The following KCNQ3 variants were observed in gnomAD, a reference collection of about 807,000 sequenced individuals.
KCNQ3 encodes the protein potassium voltage-gated channel subfamily KQT member 3.
KCNQ3 carries 30 observed loss-of-function variants against 92.5 expected under a neutral mutation model. The ratio of observed to expected loss-of-function variants is 0.32; its 90% CI spans 0.24 to 0.44. The LOEUF is 0.44. Among genes scored for constraint, KCNQ3 ranks in the 20% least tolerant of loss-of-function variants. The pLI, the probability that KCNQ3 is intolerant of heterozygous loss-of-function variation, is 1.00. For missense variants in KCNQ3, 913 were observed against 1,140.3 expected, an observed-to-expected ratio of 0.80 and a Z score of 2.87; for synonymous variants, 450 against 468.8, an observed-to-expected ratio of 0.96 and a Z score of 0.52.
intron 5 of KCNQ3, among the ~76,000 whole-genome samples, chr8:132,175,195 G>A (rs1008047711): frequency 1.2e-4 from 19 of 152,318 alleles, no homozygotes; most frequent in African/African-American, 4.6e-4. Context: ...TGACTAATAA[G>A]GCTAAGTCCA....
At chr8:132,210,156 G>A (rs1813805256) in intron 1 of KCNQ3, among the ~76,000 whole-genome samples, 1 of 152,144 alleles carries the variant, frequency 6.6e-6, no homozygotes, top group African/African-American at 2.4e-5. Flanking sequence ...ATCTTCTAAT[G>A]TACTAGCTCT....
intron 8 of KCNQ3, among the ~76,000 whole-genome samples, chr8:132,165,504 A>G (rs990484549): frequency 6.6e-6 from 1 of 152,224 alleles, no homozygotes; most frequent in Non-Finnish European, 1.5e-5. Context: ...CCCCTTCGGC[A>G]TCAATACTCC....
chr8:132,333,952 C>T (rs192603915), intron 1 of KCNQ3, among the ~76,000 whole-genome samples: 86 of 151,870 alleles, frequency 5.7e-4, no homozygotes, highest in Admixed American at 9.2e-4. Flanking sequence ...AGGCTCGTCT[C>T]GAACTCTTGA....
At chr8:132,281,307 T>G (rs1164608288) in intron 1 of KCNQ3, among the ~76,000 whole-genome samples, 1 of 152,058 alleles carries the variant, frequency 6.6e-6, no homozygotes, top group African/African-American at 2.4e-5. Flanking sequence ...GTGGTGGCAC[T>G]CCCCAAGAGG....
At chr8:132,310,933 C>A (rs908864633) in intron 1 of KCNQ3, among the ~76,000 whole-genome samples, 3 of 151,200 alleles carry the variant, frequency 2.0e-5, no homozygotes, top group Admixed American at 1.3e-4. Context: ...AGTCACCTTA[C>A]GACTTTTTTT....
chr8:132,151,460 A>C (rs921713119), intron 9 of KCNQ3, among the ~76,000 whole-genome samples: 3 of 152,206 alleles, frequency 2.0e-5, no homozygotes, highest in African/African-American at 7.2e-5. Context: ...GGATTGTAAA[A>C]ATTAATCTTA....
At chr8:132,439,357 C>A (rs1659825179) in intron 1 of KCNQ3, among the ~76,000 whole-genome samples, 1 of 152,022 alleles carries the variant, frequency 6.6e-6, no homozygotes, top group African/African-American at 2.4e-5. Flanking sequence ...CCACAGTCTC[C>A]CAGCAGTTAG....
At chr8:132,222,759 T>C (rs76577223) in intron 1 of KCNQ3, among the ~76,000 whole-genome samples, 23 of 152,360 alleles carry the variant, frequency 1.5e-4, no homozygotes, top group African/African-American at 5.5e-4. Flanking sequence ...GTCAGTTTCA[T>C]AGCGTGGGAC....
intron 1 of KCNQ3, among the ~76,000 whole-genome samples, chr8:132,423,580 C>T (rs774968211): frequency 2.6e-5 from 4 of 152,244 alleles, no homozygotes; most frequent in Admixed American, 6.5e-5. Flanking sequence ...AGGTCACTAA[C>T]AGCTTCTATC....
At chr8:132,394,868 TGAG>T (rs1424421615) in intron 1 of KCNQ3, among the ~76,000 whole-genome samples, 1 of 152,178 alleles carries the variant, frequency 6.6e-6, no homozygotes. Flanking sequence ...CTGGATATCC[TGAG>T]AAGATGAACT....
chr8:132,281,968 T>A (rs1816536072), intron 1 of KCNQ3, among the ~76,000 whole-genome samples: 1 of 152,180 alleles, frequency 6.6e-6, no homozygotes, highest in African/African-American at 2.4e-5. Flanking sequence ...TCCCTCTGTA[T>A]CAATCACCTT....
intron 1 of KCNQ3, among the ~76,000 whole-genome samples, chr8:132,468,383 ATC>A (rs1294428995): frequency 3.3e-5 from 5 of 152,218 alleles, no homozygotes; most frequent in Non-Finnish European, 7.3e-5. Flanking sequence ...ATTTCACTCC[ATC>A]TCTCCAAGAA....
At chr8:132,456,609 T>C (rs1821947008) in intron 1 of KCNQ3, among the ~76,000 whole-genome samples, 1 of 151,772 alleles carries the variant, frequency 6.6e-6, no homozygotes. Flanking sequence ...TTTTATTTTA[T>C]TTATTTATTT....
intron 1 of KCNQ3, among the ~76,000 whole-genome samples, chr8:132,454,641 C>T (rs1458291812): frequency 6.6e-6 from 1 of 152,102 alleles, no homozygotes; most frequent in Non-Finnish European, 1.5e-5. Flanking sequence ...ACTGTCCTTT[C>T]CCCCGACTGA....
intron 1 of KCNQ3, among the ~76,000 whole-genome samples, chr8:132,456,957 C>T (rs1821956390): frequency 6.6e-6 from 1 of 152,208 alleles, no homozygotes; most frequent in South Asian, 2.1e-4. Context: ...TACACACTAA[C>T]CCCACAAGTG....
chr8:132,332,456 C>A (rs1284447589), intron 1 of KCNQ3, among the ~76,000 whole-genome samples: 1 of 152,222 alleles, frequency 6.6e-6, no homozygotes, highest in Non-Finnish European at 1.5e-5. Flanking sequence ...TGTGCCACCT[C>A]TACCCCGAGC....
chr8:132,397,463 T>A (rs563098253), intron 1 of KCNQ3, among the ~76,000 whole-genome samples: 126 of 152,318 alleles, frequency 8.3e-4, no homozygotes, highest in African/African-American at 3.0e-3. Flanking sequence ...GGAATCAGAA[T>A]AAGACTATCT....
At chr8:132,171,992 C>CA (rs34581870) in intron 7 of KCNQ3, among the ~76,000 whole-genome samples, 1,737 of 142,418 alleles carry the variant, frequency 0.012, 15 homozygotes, top group Middle Eastern at 0.022. Flanking sequence ...CTCATCTCTA[C>CA]AAAAAAAAAA....
chr8:132,317,712 C>G (rs778846843), intron 1 of KCNQ3, among the ~76,000 whole-genome samples: 8 of 152,198 alleles, frequency 5.3e-5, no homozygotes, highest in Non-Finnish European at 1.0e-4. Context: ...TGTAGGTCAT[C>G]CTTCCCAGGT....
Sources: gnomAD v4.1 joint callset for allele counts (sites outside exome capture counted in the v4.1 genomes callset) on GRCh38, gnomAD v4.1.1 for gene constraint, MANE v1.5 for transcripts, NCBI Gene and HGNC (gene_info 2026-07-23, HGNC 2026-07-21) for gene names.